Variants in CADM1 observed in about 807,000 individuals in gnomAD.
CADM1 encodes the protein TSLC-1.
A neutral mutation model predicts 53.1 loss-of-function variants in CADM1; 15 were observed. That is an observed-to-expected ratio of 0.28 (90% CI 0.19 to 0.44). The LOEUF is 0.44. CADM1 is among the 20% of genes least tolerant of loss of function. The pLI is 1.00. For synonymous variants in CADM1, 281 were observed against 243.0 expected (o/e 1.16, Z -1.45); for missense variants, 434 against 611.3 (o/e 0.71, Z 3.06).
intron 1 of CADM1, among the ~76,000 whole-genome samples, chr11:115,389,435 A>G (rs1946779248): frequency 6.6e-6 from 1 of 152,246 alleles, no homozygotes; most frequent in African/African-American, 2.4e-5. Context: ...ATGTGCAAAG[A>G]TATTTGTCAA....
In CADM1 at chr11:115,386,700, TTCATGAGG is replaced by T. The variant is rs1453862688; in HGVS notation, c.124+117563_124+117570del. 1.0e-3 allele frequency among the ~76,000 whole-genome samples: 19 copies of T among 18,300 alleles called. No homozygotes were observed. In the Admixed American group the frequency reaches 0.013, roughly 13 times the overall value. The allele number at this position is 18,300 out of a possible 152,430, so 12.0% of individuals were successfully genotyped here. Reference sequence around the variant, plus strand: ...ACTAATCCATGAATAGATTAATCAATTCATGAGGGCAGAGCCTCATGACCCAGTCACCC... The same window carrying T: ...ACTAATCCATGAATAGATTAATCAATGCAGAGCCTCATGACCCAGTCACCC... On this transcript the variant is annotated intron_variant, in intron 1 of 11. Coordinates refer to ENST00000331581, the MANE Select transcript of CADM1 (RefSeq NM_001301043.2).
chr11:115,502,361 C>T (rs560828220), intron 1 of CADM1, among the ~76,000 whole-genome samples: 1 of 103,830 alleles, frequency 9.6e-6, no homozygotes, highest in South Asian at 3.4e-4. Flanking sequence ...TTTTTGCAGC[C>T]AATACAAGTC....
intron 1 of CADM1, among the ~76,000 whole-genome samples, chr11:115,293,146 C>G (rs939911222): frequency 7.9e-5 from 12 of 152,164 alleles, no homozygotes; most frequent in African/African-American, 2.9e-4. Context: ...GCTAAAAGAT[C>G]CAGGGCCGGG....
intron 6 of CADM1, among the ~76,000 whole-genome samples, chr11:115,216,373 A>G (rs1336475730): frequency 6.6e-6 from 1 of 152,186 alleles, no homozygotes; most frequent in Admixed American, 6.5e-5. Flanking sequence ...TCTTCAGGGG[A>G]AAAATACAAA....
intron 1 of CADM1, among the ~76,000 whole-genome samples, chr11:115,478,083 T>G (rs898550556): frequency 3.9e-5 from 6 of 152,230 alleles, no homozygotes; most frequent in Non-Finnish European, 8.8e-5. Context: ...TACATTAAAA[T>G]ATTCCAGTTT....
rs541735516 is a variant in CADM1, at chr11:115,234,711, G to A, written c.425-3221C>T. ...AGTTTGAGACCAGCCTGGCCAACAT[G>A]GTGAAACCCTGTCTCTACCAAAAAT... On this transcript the variant is annotated intron_variant, in intron 3 of 11. Transcript: ENST00000331581. Among the ~76,000 whole-genome samples, 105 of 152,064 alleles carry A rather than the reference G, an allele frequency of 6.9e-4. 2 individuals carry two copies. Among genetic ancestry groups the A allele is most frequent in the Admixed American group, 1.7e-3 (26 of 15,268 alleles).
rs1426897370 is a variant in CADM1, at chr11:115,204,816, G to T, written c.1078+4758C>A. ...CACATTACACAAAACAAAAGCTTAT[G>T]ATTTCAGACTATGAAAGCCAAAAAT... On this transcript the variant is annotated intron_variant, in intron 8 of 11. Coordinates refer to ENST00000331581, the MANE Select transcript of CADM1 (RefSeq NM_001301043.2). Among the ~76,000 whole-genome samples the T allele has an allele frequency of 4.0e-4, 61 of 152,188 alleles. 1 individual carries two copies. The highest frequency in any genetic ancestry group is 4.0e-3 in the Admixed American group (61 of 15,276).
intron 1 of CADM1, among the ~76,000 whole-genome samples, chr11:115,438,474 C>T (rs1188689704): frequency 6.6e-6 from 1 of 151,606 alleles, no homozygotes; most frequent in Non-Finnish European, 1.5e-5. Flanking sequence ...TGGAAGGCAA[C>T]GATGAAACAA....
chr11:115,468,382 A>C (rs1364902872), intron 1 of CADM1, among the ~76,000 whole-genome samples: 2 of 152,254 alleles, frequency 1.3e-5, no homozygotes, highest in Non-Finnish European at 2.9e-5. Context: ...CAAAATAATG[A>C]AGACTCTCCT....
At chr11:115,276,440 T>C (rs893225304) in intron 1 of CADM1, among the ~76,000 whole-genome samples, 3 of 152,150 alleles carry the variant, frequency 2.0e-5, no homozygotes, top group African/African-American at 4.8e-5. Context: ...AATCTCTTTG[T>C]AGAATACATT....
chr11:115,178,776 C>A lies in CADM1; in HGVS notation c.1166-1G>T. On this transcript the variant is annotated splice_acceptor_variant, in intron 10 of 11. Transcript: ENST00000331581. LOFTEE classifies it high-confidence loss of function. ...GAGCCTTCTTCACCTGCTCGGGAATCTGTTAAAATCAGAAGAGGAATAGGG... is the reference window on the plus strand; with the variant it reads ...GAGCCTTCTTCACCTGCTCGGGAATATGTTAAAATCAGAAGAGGAATAGGG... 1 of 1,613,978 alleles carries A rather than the reference C, an allele frequency of 6.2e-7. No individual in the cohort carries two copies. Among genetic ancestry groups the A allele is most frequent in the Non-Finnish European group, 8.5e-7 (1 of 1,179,986 alleles).
intron 1 of CADM1, among the ~76,000 whole-genome samples, chr11:115,349,395 A>G (rs1272419278): frequency 6.6e-6 from 1 of 152,216 alleles, no homozygotes; most frequent in Admixed American, 6.5e-5. Flanking sequence ...TTGTCTTTGA[A>G]AAGAGCATGA....
At chr11:115,428,005 C>CAAA (rs66872817) in intron 1 of CADM1, among the ~76,000 whole-genome samples, 9 of 54,032 alleles carry the variant, frequency 1.7e-4, no homozygotes, top group African/African-American at 3.6e-4. Flanking sequence ...GACTCCATCT[C>CAAA]AAAAAAAAAA....
chr11:115,465,150 A>C (rs993305379), intron 1 of CADM1, among the ~76,000 whole-genome samples: 4 of 152,156 alleles, frequency 2.6e-5, no homozygotes, highest in Non-Finnish European at 4.4e-5. Flanking sequence ...TATTATTTTT[A>C]TTGTGAAATA....
chr11:115,188,454 T>C (rs1171775362), intron 10 of CADM1, among the ~76,000 whole-genome samples: 1 of 152,146 alleles, frequency 6.6e-6, no homozygotes, highest in Non-Finnish European at 1.5e-5. Flanking sequence ...TGGGTGAGAA[T>C]GGAGCACCAT....
At position 115,413,644 on chromosome 11, in the gene CADM1, C is replaced by CTTTTTTTTTTTTTT. The variant is rs71066424; in HGVS notation, c.124+90613_124+90626dup. 3.0e-3 allele frequency among the ~76,000 whole-genome samples: 366 copies of CTTTTTTTTTTTTTT among 120,876 alleles called. 29 individuals are homozygous for CTTTTTTTTTTTTTT. Among genetic ancestry groups the CTTTTTTTTTTTTTT allele is most frequent in the African/African-American group, 9.7e-3 (330 of 33,926 alleles). 79.3% of individuals were successfully genotyped at this position (120,876 alleles called of 152,430 possible). A position where few individuals can be genotyped will look rare whatever the true frequency, so the allele number is the denominator to read the frequency against. On this transcript the variant is annotated intron_variant, in intron 1 of 11. Transcript: ENST00000331581. ...CAGGGAGTGTGGCTCCAGCTCAGTT[C>CTTTTTTTTTTTTTT]TTTTTTTTTTTTTTCTCTGAGACAG...
At chr11:115,258,596 A>T (rs1326089115) in intron 1 of CADM1, among the ~76,000 whole-genome samples, 1 of 152,236 alleles carries the variant, frequency 6.6e-6, no homozygotes, top group Non-Finnish European at 1.5e-5. Flanking sequence ...CCAGGCCCAG[A>T]GTCCAAAACC....
chr11:115,285,726 A>T (rs1943712478), intron 1 of CADM1, among the ~76,000 whole-genome samples: 1 of 152,136 alleles, frequency 6.6e-6, no homozygotes, highest in Non-Finnish European at 1.5e-5. Flanking sequence ...TGTGTCTAAG[A>T]GCACACAGGC....
chr11:115,187,629 T>C (rs1179988198), intron 10 of CADM1, among the ~76,000 whole-genome samples: 1 of 152,102 alleles, frequency 6.6e-6, no homozygotes, highest in Non-Finnish European at 1.5e-5. Context: ...TTAGTAGAGA[T>C]GGGGTTTTGC....
Sources: allele counts gnomAD v4.1 joint callset (sites outside exome capture counted in the v4.1 genomes callset), GRCh38; gene constraint gnomAD v4.1.1; transcripts MANE v1.5; gene names NCBI Gene and HGNC (gene_info 2026-07-23, HGNC 2026-07-21).